The following MACROD1 variants were observed in gnomAD, a reference collection of about 807,000 sequenced individuals.
MACROD1 encodes mono-ADP ribosylhydrolase 1.
In MACROD1, 31 loss-of-function variants were observed where a neutral mutation model predicts 41.4. The ratio of observed to expected loss-of-function variants is 0.75; its 90% confidence interval spans 0.56 to 1.01. The LOEUF is 1.01. MACROD1 is among the 50% of genes least tolerant of loss of function. MACROD1 has a pLI of 0.00. For missense variants in MACROD1, 473 were observed against 460.0 expected, an observed-to-expected ratio of 1.03 and a Z score of -0.26; for synonymous variants, 252 against 203.4, an observed-to-expected ratio of 1.24 and a Z score of -2.03.
At chr11:64,000,090 G>C (rs1222726298) in intron 5 of MACROD1, 137 bp downstream of exon 5, 4 of 682,188 alleles carry the variant, frequency 5.9e-6, no homozygotes, top group African/African-American at 1.8e-5. Flanking sequence ...GGTGGGGGCC[G>C]GGTCTTGGCC....
chr11:64,117,060 C>A, intron 3 of MACROD1: 10 of 1,603,926 alleles, frequency 6.2e-6, no homozygotes, highest in African/African-American at 1.3e-5. Flanking sequence ...CGCGCCACCC[C>A]TCAACCTGCC....
At chr11:64,055,226 G>T (rs984488358) in intron 3 of MACROD1, among the ~76,000 whole-genome samples, 11 of 152,232 alleles carry the variant, frequency 7.2e-5, no homozygotes, top group African/African-American at 2.7e-4. Flanking sequence ...CGGGAGCAGG[G>T]TGAGGGGCAG....
intron 1 of MACROD1, among the ~76,000 whole-genome samples, chr11:64,155,102 GGT>G (rs2134715760): frequency 1.3e-5 from 2 of 152,322 alleles, no homozygotes; most frequent in East Asian, 3.9e-4. Context: ...CACCTGGCAC[GGT>G]GTGTGGGCAC....
At chr11:64,004,098 C>T (rs1942870612) in intron 4 of MACROD1, among the ~76,000 whole-genome samples, 1 of 152,238 alleles carries the variant, frequency 6.6e-6, no homozygotes. Context: ...GCCCTTGACC[C>T]TCCGCCCCAT....
chr11:64,058,095 G>C (rs1361177695), intron 3 of MACROD1, among the ~76,000 whole-genome samples: 3 of 152,268 alleles, frequency 2.0e-5, no homozygotes, highest in African/African-American at 7.2e-5. Context: ...ACCCATTACA[G>C]GCCTATTTTC....
intron 5 of MACROD1, 136 bp from the exon 6 acceptor site, chr11:63,999,899 C>A: frequency 3.8e-6 from 4 of 1,056,548 alleles, no homozygotes; most frequent in Non-Finnish European, 5.3e-6. Flanking sequence ...GCGAAGGCCC[C>A]CACCCCTGTG....
At chr11:64,063,503 T>C (rs1943941672) in intron 3 of MACROD1, among the ~76,000 whole-genome samples, 1 of 152,150 alleles carries the variant, frequency 6.6e-6, no homozygotes, top group Admixed American at 6.5e-5. Context: ...GGGAAAGGCA[T>C]CCTGGCAAAG....
At chr11:64,000,016 GC>G in intron 5 of MACROD1, 2 of 633,126 alleles carry the variant, frequency 3.2e-6, no homozygotes, top group Non-Finnish European at 5.4e-6. Flanking sequence ...CGAAGGCGTT[GC>G]CCCCCAGCTC....
intron 3 of MACROD1, among the ~76,000 whole-genome samples, chr11:64,140,723 T>A (rs1945401097): frequency 1.3e-5 from 2 of 152,166 alleles, no homozygotes; most frequent in Non-Finnish European, 2.9e-5. Context: ...TGCACTCTTA[T>A]CCCTGTTTTA....
chr11:64,161,204 G>A (rs1945748434), intron 1 of MACROD1, among the ~76,000 whole-genome samples: 2 of 152,052 alleles, frequency 1.3e-5, no homozygotes, highest in Admixed American at 6.6e-5. Context: ...ACAAAAGAGT[G>A]GGAAACAAGC....
At chr11:64,135,572 T>C (rs1354638918) in intron 3 of MACROD1, among the ~76,000 whole-genome samples, 3 of 152,192 alleles carry the variant, frequency 2.0e-5, no homozygotes, top group African/African-American at 2.4e-5. Flanking sequence ...ACGCAGGCCA[T>C]AAAACTGATT....
intron 3 of MACROD1, among the ~76,000 whole-genome samples, chr11:64,027,400 G>A (rs562961248): frequency 6.6e-6 from 1 of 152,302 alleles, no homozygotes; most frequent in East Asian, 1.9e-4. Context: ...GGTGGCTGAG[G>A]ATGGGTTGAG....
chr11:64,028,558 C>G (rs1943252226), intron 3 of MACROD1, among the ~76,000 whole-genome samples: 1 of 152,256 alleles, frequency 6.6e-6, no homozygotes, highest in South Asian at 2.1e-4. Context: ...AGCCCCTCTG[C>G]TCCCTCCGCG....
At chr11:64,005,111 C>A (rs993645743) in intron 4 of MACROD1, among the ~76,000 whole-genome samples, 1 of 151,936 alleles carries the variant, frequency 6.6e-6, no homozygotes, top group African/African-American at 2.4e-5. Flanking sequence ...CTCACTGCAA[C>A]CTCCGCCTCC....
At chr11:64,016,958 ATTTCTTTC>A (rs57523907) in intron 3 of MACROD1, among the ~76,000 whole-genome samples, 8 of 151,962 alleles carry the variant, frequency 5.3e-5, no homozygotes, top group African/African-American at 9.7e-5. Flanking sequence ...ACAAATGCAC[ATTTCTTTC>A]TTTCTTTCTT....
intron 3 of MACROD1, among the ~76,000 whole-genome samples, chr11:64,032,419 C>T (rs887235482): frequency 5.9e-5 from 9 of 152,044 alleles, no homozygotes; most frequent in African/African-American, 1.4e-4. Context: ...TGCAGGATGG[C>T]GAGCAGGACC....
At chr11:64,014,275 G>C (rs1181144089) in intron 4 of MACROD1, among the ~76,000 whole-genome samples, 3 of 152,154 alleles carry the variant, frequency 2.0e-5, no homozygotes, top group Admixed American at 1.3e-4. Flanking sequence ...CCCTCATTCT[G>C]TGAGGCCTCT....
chr11:64,041,076 T>A (rs903303915), intron 3 of MACROD1, among the ~76,000 whole-genome samples: 1 of 151,866 alleles, frequency 6.6e-6, no homozygotes, highest in African/African-American at 2.4e-5. Context: ...GCGCTAGTCC[T>A]GGCCATTCCT....
At chr11:64,016,623 A>G (rs167658) in intron 3 of MACROD1, among the ~76,000 whole-genome samples, 4,022 of 152,384 alleles carry the variant, frequency 0.026, 194 homozygotes, top group African/African-American at 0.09. Flanking sequence ...CAGAGCTGAC[A>G]GCTCTTCGCT....
Sources: allele counts gnomAD v4.1 joint callset (sites outside exome capture counted in the v4.1 genomes callset), GRCh38; gene constraint gnomAD v4.1.1; transcripts MANE v1.5; gene names NCBI Gene and HGNC (gene_info 2026-07-23, HGNC 2026-07-21).